Variants in KCNH8 observed in about 807,000 individuals in gnomAD.
KCNH8 encodes potassium voltage-gated channel subfamily H member 8.
In KCNH8, 70 loss-of-function variants were observed where a neutral mutation model predicts 103.6. The observed-to-expected ratio is 0.68, with a 90% CI of 0.56 to 0.82. The LOEUF (loss-of-function observed/expected upper bound fraction) is 0.82, where lower values mean the gene tolerates loss of function less well. Among genes scored for constraint, KCNH8 ranks in the 40% least tolerant of loss-of-function variants. The pLI, the probability that KCNH8 is intolerant of heterozygous loss-of-function variation, is 0.00. For synonymous variants in KCNH8, 498 were observed against 489.4 expected (o/e 1.02, Z -0.23); for missense variants, 1,217 against 1,329.9 (o/e 0.92, Z 1.32).
At chr3:19,180,641 T>C (rs2063442812) in intron 1 of KCNH8, among the ~76,000 whole-genome samples, 1 of 152,202 alleles carries the variant, frequency 6.6e-6, no homozygotes, top group Admixed American at 6.5e-5. Context: ...TCTGGTTCAC[T>C]ATACTTACAA....
chr3:19,525,107 G>C (rs567036783), intron 15 of KCNH8, among the ~76,000 whole-genome samples: 5 of 151,748 alleles, frequency 3.3e-5, no homozygotes, highest in Admixed American at 2.0e-4. Flanking sequence ...AAGGATGTGA[G>C]GTAACAGATA....
At chr3:19,482,781 T>C (rs1361786050) in intron 11 of KCNH8, among the ~76,000 whole-genome samples, 1 of 152,202 alleles carries the variant, frequency 6.6e-6, no homozygotes, top group Non-Finnish European at 1.5e-5. Flanking sequence ...TAAGGTTAAA[T>C]TTCCTACAGA....
At chr3:19,328,002 T>C (rs1046715919) in intron 3 of KCNH8, among the ~76,000 whole-genome samples, 12 of 152,210 alleles carry the variant, frequency 7.9e-5, no homozygotes, top group Non-Finnish European at 1.6e-4. Flanking sequence ...ACTTTATTTC[T>C]TCCTGTTTCT....
intron 2 of KCNH8, among the ~76,000 whole-genome samples, chr3:19,277,678 C>T (rs1206848174): frequency 6.6e-6 from 1 of 152,010 alleles, no homozygotes; most frequent in African/African-American, 2.4e-5. Context: ...AAGAAAGTAC[C>T]AAAATGGAGA....
intron 2 of KCNH8, among the ~76,000 whole-genome samples, chr3:19,269,166 C>T (rs909112957): frequency 4.6e-5 from 7 of 152,032 alleles, no homozygotes; most frequent in Admixed American, 1.3e-4. Flanking sequence ...TAAAAAATGA[C>T]TTCAGATGAA....
chr3:19,180,220 G>T (rs987380386), intron 1 of KCNH8, among the ~76,000 whole-genome samples: 4 of 147,568 alleles, frequency 2.7e-5, no homozygotes, highest in African/African-American at 1.0e-4. Context: ...AGGCGATCTG[G>T]CATGACCTAC....
chr3:19,225,641 A>G (rs2063922364), intron 1 of KCNH8, among the ~76,000 whole-genome samples: 2 of 151,966 alleles, frequency 1.3e-5, no homozygotes, highest in South Asian at 4.2e-4. Context: ...TTGTTGACTC[A>G]CTCCATGACT....
intron 1 of KCNH8, among the ~76,000 whole-genome samples, chr3:19,182,821 TC>T (rs1392405465): frequency 6.6e-6 from 1 of 152,220 alleles, no homozygotes. Flanking sequence ...AACAGAATGG[TC>T]GGCCAACACA....
intron 7 of KCNH8, among the ~76,000 whole-genome samples, chr3:19,397,111 T>C (rs2066530628): frequency 6.6e-6 from 1 of 151,950 alleles, no homozygotes; most frequent in African/African-American, 2.4e-5. Flanking sequence ...TCCCACAACA[T>C]ATAGAGGTAT....
At chr3:19,513,352 T>A (rs968068436) in intron 13 of KCNH8, 27 bp downstream of exon 13, 1 of 1,550,690 alleles carries the variant, frequency 6.4e-7, no homozygotes, top group African/African-American at 1.4e-5. Context: ...TATAACTTTC[T>A]CACGTGAACG....
At chr3:19,390,115 A>T (rs1305906998) in intron 5 of KCNH8, among the ~76,000 whole-genome samples, 1 of 152,140 alleles carries the variant, frequency 6.6e-6, no homozygotes, top group Admixed American at 6.6e-5. Context: ...GTACATAGTG[A>T]ACACTTAGTA....
At chr3:19,402,535 C>G (rs183259257) in intron 7 of KCNH8, among the ~76,000 whole-genome samples, 134 of 151,848 alleles carry the variant, frequency 8.8e-4, no homozygotes, top group African/African-American at 3.0e-3. Flanking sequence ...ATTTTTGGGT[C>G]ATAGTTAACA....
intron 7 of KCNH8, among the ~76,000 whole-genome samples, chr3:19,399,369 A>G (rs2066574373): frequency 6.6e-6 from 1 of 151,916 alleles, no homozygotes; most frequent in Admixed American, 6.6e-5. Flanking sequence ...TAATATATGT[A>G]TATATTATTT....
chr3:19,165,109 AGTT>A (rs1432154920), intron 1 of KCNH8, among the ~76,000 whole-genome samples: 1 of 152,162 alleles, frequency 6.6e-6, no homozygotes, highest in African/African-American at 2.4e-5. Context: ...CATCTGTTAA[AGTT>A]ATCAAATTGT....
At chr3:19,345,215 A>G (rs1354723277) in intron 4 of KCNH8, among the ~76,000 whole-genome samples, 1 of 152,114 alleles carries the variant, frequency 6.6e-6, no homozygotes, top group Non-Finnish European at 1.5e-5. Flanking sequence ...AATATTAAAG[A>G]TCACACTAGA....
At chr3:19,506,896 T>C (rs1266969183) in intron 11 of KCNH8, among the ~76,000 whole-genome samples, 3 of 152,046 alleles carry the variant, frequency 2.0e-5, no homozygotes, top group Non-Finnish European at 1.5e-5. Flanking sequence ...ACTGGCCTCT[T>C]TCCTTAGGGC....
intron 1 of KCNH8, among the ~76,000 whole-genome samples, chr3:19,196,109 G>A (rs1353271084): frequency 2.0e-5 from 3 of 151,796 alleles, no homozygotes; most frequent in Non-Finnish European, 4.4e-5. Context: ...TGGCTTATTG[G>A]GCCAGGCTGA....
At chr3:19,239,327 A>G (rs1489250128) in intron 1 of KCNH8, among the ~76,000 whole-genome samples, 1 of 152,176 alleles carries the variant, frequency 6.6e-6, no homozygotes, top group Non-Finnish European at 1.5e-5. Flanking sequence ...CCACAATCAC[A>G]TTACCAGGCA....
intron 3 of KCNH8, among the ~76,000 whole-genome samples, chr3:19,297,512 A>G (rs1410506701): frequency 6.6e-6 from 1 of 152,172 alleles, no homozygotes; most frequent in East Asian, 1.9e-4. Flanking sequence ...TTTTTATTGA[A>G]AGAGGGATTG....
Sources: allele counts gnomAD v4.1 joint callset (sites outside exome capture counted in the v4.1 genomes callset), GRCh38; gene constraint gnomAD v4.1.1; transcripts MANE v1.5; gene names NCBI Gene and HGNC (gene_info 2026-07-23, HGNC 2026-07-21).